Variants in CLSTN2 observed in about 807,000 individuals in gnomAD.
CLSTN2 encodes calsyntenin 2, also known as calsyntenin-2.
Under a neutral mutation model 101.2 loss-of-function variants are expected in CLSTN2, and 48 were observed. That is an observed-to-expected ratio of 0.47 (90% confidence interval 0.38 to 0.60). The LOEUF (loss-of-function observed/expected upper bound fraction) is 0.60. Ranked by LOEUF, CLSTN2 falls within the 20% of genes least tolerant of loss-of-function variation. The pLI is 0.00. For synonymous variants in CLSTN2, 481 were observed against 463.6 expected (o/e 1.04, Z -0.48); for missense variants, 1,160 against 1,238.2 (o/e 0.94, Z 0.95).
intron 8 of CLSTN2, among the ~76,000 whole-genome samples, chr3:140,501,169 C>G (rs374098133): frequency 5.3e-5 from 8 of 152,308 alleles, no homozygotes; most frequent in African/African-American, 1.9e-4. Flanking sequence ...CTCTTGTTCT[C>G]TTTCTCTCTC....
At chr3:140,311,359 G>A (rs1310182471) in intron 2 of CLSTN2, among the ~76,000 whole-genome samples, 1 of 121,612 alleles carries the variant, frequency 8.2e-6, no homozygotes, top group African/African-American at 3.2e-5. Flanking sequence ...AGGCTGGAGT[G>A]CAGTGGCCTG....
intron 1 of CLSTN2, among the ~76,000 whole-genome samples, chr3:140,090,560 C>T (rs1398072675): frequency 1.1e-4 from 17 of 152,156 alleles, no homozygotes; most frequent in Admixed American, 7.2e-4. Flanking sequence ...TAGTGTATGT[C>T]GGGTGATGTG....
intron 2 of CLSTN2, among the ~76,000 whole-genome samples, chr3:140,365,297 G>A (rs2087773755): frequency 1.3e-5 from 2 of 152,026 alleles, no homozygotes; most frequent in Non-Finnish European, 2.9e-5. Context: ...TACAGAGGTG[G>A]AGATGCTTGA....
At chr3:139,987,866 G>A (rs1936053187) in intron 1 of CLSTN2, among the ~76,000 whole-genome samples, 1 of 152,184 alleles carries the variant, frequency 6.6e-6, no homozygotes, top group African/African-American at 2.4e-5. Flanking sequence ...TAATTTTCCA[G>A]AAGAAGACCT....
At chr3:140,332,542 T>C (rs544950151) in intron 2 of CLSTN2, among the ~76,000 whole-genome samples, 8 of 152,346 alleles carry the variant, frequency 5.3e-5, no homozygotes, top group South Asian at 2.1e-4. Flanking sequence ...TGGGCTTGGA[T>C]GTACACTTGT....
rs750548789 is a variant in CLSTN2 at position 140,446,605 on chromosome 3, A to G, written c.788-1914A>G. Among the ~76,000 whole-genome samples, 5 of 152,114 alleles carry G rather than the reference A, an allele frequency of 3.3e-5. No individual in the cohort carries two copies. The East Asian group carries it at 5.8e-4, about 18-fold the overall frequency. ...ATTTTCACACTCAATCCTTACCTCA[A>G]TACTATTAGGTCAGTGCTATGGTCC... On this transcript the variant is annotated intron_variant, in intron 5 of 16. Coordinates refer to ENST00000458420, the MANE Select transcript of CLSTN2 (RefSeq NM_022131.3).
intron 1 of CLSTN2, among the ~76,000 whole-genome samples, chr3:139,955,445 A>G (rs2107812137): frequency 6.6e-6 from 1 of 152,216 alleles, no homozygotes; most frequent in South Asian, 2.1e-4. Flanking sequence ...CCCCTGCACA[A>G]CTTAGCGAAA....
chr3:139,976,141 A>G (rs1483079555), intron 1 of CLSTN2, among the ~76,000 whole-genome samples: 2 of 152,196 alleles, frequency 1.3e-5, no homozygotes, highest in Non-Finnish European at 2.9e-5. Flanking sequence ...GTTTTTGCAG[A>G]GTAGTCATAG....
At chr3:140,144,887 T>G (rs2009758138) in intron 1 of CLSTN2, among the ~76,000 whole-genome samples, 1 of 152,192 alleles carries the variant, frequency 6.6e-6, no homozygotes, top group South Asian at 2.1e-4. Context: ...CAACTTCCCT[T>G]TCTCTGGGGC....
chr3:140,155,009 C>T (rs1274690935), intron 1 of CLSTN2, among the ~76,000 whole-genome samples: 1 of 152,084 alleles, frequency 6.6e-6, no homozygotes, highest in Non-Finnish European at 1.5e-5. Context: ...CATCAGGCCC[C>T]TCCCTTGACA....
intron 1 of CLSTN2, among the ~76,000 whole-genome samples, chr3:140,142,538 A>G (rs932137692): frequency 5.3e-5 from 8 of 152,228 alleles, no homozygotes; most frequent in African/African-American, 1.9e-4. Flanking sequence ...CTTGGGTTGC[A>G]TCTCCATAAA....
At chr3:140,509,049 CA>C (rs1457097339) in intron 8 of CLSTN2, among the ~76,000 whole-genome samples, 1 of 152,006 alleles carries the variant, frequency 6.6e-6, no homozygotes, top group Non-Finnish European at 1.5e-5. Flanking sequence ...GGGAGACTGG[CA>C]TTTGCTGGAA....
chr3:140,218,789 AG>A (rs2086234806), intron 2 of CLSTN2, among the ~76,000 whole-genome samples: 1 of 152,194 alleles, frequency 6.6e-6, no homozygotes, highest in Admixed American at 6.5e-5. Context: ...CAATTTGTTG[AG>A]GGAAATGATG....
At chr3:140,320,217 A>G (rs1018958095) in intron 2 of CLSTN2, among the ~76,000 whole-genome samples, 1 of 152,204 alleles carries the variant, frequency 6.6e-6, no homozygotes, top group Non-Finnish European at 1.5e-5. Context: ...ACAGAGGACA[A>G]CTGCCCTCCT....
At chr3:140,079,601 A>G (rs1203820341) in intron 1 of CLSTN2, among the ~76,000 whole-genome samples, 2 of 152,128 alleles carry the variant, frequency 1.3e-5, no homozygotes, top group Non-Finnish European at 2.9e-5. Flanking sequence ...AATATAAAAA[A>G]TTAGCCGGGC....
At chr3:140,327,078 A>G (rs2087339005) in intron 2 of CLSTN2, among the ~76,000 whole-genome samples, 1 of 152,260 alleles carries the variant, frequency 6.6e-6, no homozygotes, top group Non-Finnish European at 1.5e-5. Context: ...CAGTATCATT[A>G]AAACAATGCT....
At chr3:140,158,398 C>CAAT (rs2009990377) in intron 1 of CLSTN2, among the ~76,000 whole-genome samples, 1 of 148,448 alleles carries the variant, frequency 6.7e-6, no homozygotes, top group African/African-American at 2.6e-5. Flanking sequence ...TTCCATATAC[C>CAAT]AATAACATTC....
intron 2 of CLSTN2, among the ~76,000 whole-genome samples, chr3:140,192,187 A>G (rs2010575695): frequency 6.6e-6 from 1 of 151,956 alleles, no homozygotes; most frequent in African/African-American, 2.4e-5. Context: ...TTCAGAAAGC[A>G]TATTTTGTAT....
intron 2 of CLSTN2, among the ~76,000 whole-genome samples, chr3:140,209,150 A>G (rs1383976390): frequency 6.6e-6 from 1 of 152,218 alleles, no homozygotes; most frequent in African/African-American, 2.4e-5. Flanking sequence ...GACTCCAAGA[A>G]TCAAAATCTA....
Sources: gnomAD v4.1 joint callset for allele counts (sites outside exome capture counted in the v4.1 genomes callset) on GRCh38, gnomAD v4.1.1 for gene constraint, MANE v1.5 for transcripts, NCBI Gene and HGNC (gene_info 2026-07-23, HGNC 2026-07-21) for gene names.